ZNF579: variants seen among roughly 807,000 people sequenced by gnomAD.
The protein encoded by ZNF579 is zinc finger protein 579.
A neutral mutation model predicts 5.7 loss-of-function variants in ZNF579; 3 were observed. The ratio of observed to expected loss-of-function variants is 0.53; its 90% CI spans 0.24 to 1.36. The LOEUF (loss-of-function observed/expected upper bound fraction) is 1.36, where lower values mean the gene tolerates loss of function less well. Ranked by LOEUF, ZNF579 falls within the 40% of genes most tolerant of loss-of-function variation. The probability of loss-of-function intolerance (pLI) is 0.16; values close to 1 mark genes in which losing one functional copy is unlikely to be tolerated. For synonymous variants in ZNF579, 454 were observed against 409.0 expected (o/e 1.11, Z -1.33); for missense variants, 679 against 877.6 (o/e 0.77, Z 2.86).
Position 55,579,626 on chromosome 19 carries a change from G to A in ZNF579, c.14C>T (p.Pro5Leu). 1 of 1,474,182 alleles carries A rather than the reference G, an allele frequency of 6.8e-7. No individual in the cohort carries two copies. The highest frequency in any genetic ancestry group is 8.9e-7 in the Non-Finnish European group (1 of 1,121,582). 91.3% of individuals were successfully genotyped at this position (1,474,182 alleles called of 1,614,324 possible). The change falls in exon 2 of 2, where the codon CCT (proline) becomes CTT (leucine). Residue 5 changes from proline (P) to leucine (L), a missense_variant. By Grantham distance (98) the Pro-to-Leu change is moderately conservative. Coordinates refer to ENST00000325421, the MANE Select transcript of ZNF579 (RefSeq NM_152600.3). MDPQ[P>L]PPPAQGSPPH... Reference sequence around the variant, plus strand: ...TGGGCTGCCCTGGGCGGGTGGAGGAGGCTGCGGATCCATGCCTGTGGGGAG... The same window carrying A: ...TGGGCTGCCCTGGGCGGGTGGAGGAAGCTGCGGATCCATGCCTGTGGGGAG...
chr19:55,579,175 G>C lies in ZNF579; in HGVS notation c.465C>G (p.Thr155=), dbSNP rs1286377546. ...CCTCCGTGGCCCCTGCTGCAGCGGT[G>C]GTGGGCGGCTCCGAGCCCTCGTCCT... ...GPQDEGSEPP[T]TAAAGATEEE... is the part of the protein sequence containing the mutation. The change falls in exon 2 of 2, where the codon ACC becomes ACG. Residue 155 remains threonine (T), a synonymous_variant. Coordinates refer to ENST00000325421, the MANE Select transcript of ZNF579 (RefSeq NM_152600.3). 6.6e-7 allele frequency: 1 copy of C among 1,525,608 alleles called. No individual in the cohort carries two copies. 94.5% of individuals were successfully genotyped at this position (1,525,608 alleles called of 1,614,324 possible). A position where few individuals can be genotyped will look rare whatever the true frequency, so the allele number is the denominator to read the frequency against.
chr19:55,579,475 G>A lies in ZNF579; in HGVS notation c.165C>T (p.Phe55=). The A allele has an allele frequency of 7.4e-7, 1 of 1,355,578 alleles. No individual in the cohort carries two copies. 84.0% of individuals were successfully genotyped at this position (1,355,578 alleles called of 1,614,324 possible). Reference sequence around the variant, plus strand: ...GCCGGTGCCGGGAGAGGTAGTAGGGGAAACGGAAGAGGCGGCCGCAGGTGG... The same window carrying A: ...GCCGGTGCCGGGAGAGGTAGTAGGGAAAACGGAAGAGGCGGCCGCAGGTGG... The part of the protein sequence containing the change: ...PCPTCGRLFR[F]PYYLSRHRLS... The change falls in exon 2 of 2, where the codon TTC becomes TTT. Residue 55 remains phenylalanine (F), a synonymous_variant. Transcript: ENST00000325421.
In ZNF579 at chr19:55,579,007, C is replaced by A; in HGVS notation, c.633G>T (p.Ala211=). 1 of 1,531,774 alleles carries A rather than the reference C, an allele frequency of 6.5e-7. No individual in the cohort carries two copies. Among genetic ancestry groups the A allele is most frequent in the South Asian group, 1.2e-5 (1 of 83,224 alleles). 94.9% of individuals were successfully genotyped at this position (1,531,774 alleles called of 1,614,324 possible). The change falls in exon 2 of 2, where the codon GCG becomes GCT. Residue 211 remains alanine (A), a synonymous_variant. Coordinates refer to ENST00000325421, the MANE Select transcript of ZNF579 (RefSeq NM_152600.3). ...TCTCCTCCTGCCGCCCGGCCGCCAG[C>A]GCCAGCTCGGCCCTCAGCTCTGCTG... The part of the protein sequence containing the change: ...AGAAELRAEL[A]LAAGRQEEKQ...
rs763023771 is a variant in ZNF579, at chr19:55,577,980, G to A, written c.1660C>T (p.Leu554=). 1.3e-6 allele frequency: 2 copies of A among 1,598,210 alleles called. No homozygotes were observed. The highest frequency in any genetic ancestry group is 1.1e-5 in the South Asian group (1 of 88,366). The part of the protein sequence containing the change: ...EEEEVDSKAH[L]RGLGGLAS Reference sequence around the variant, plus strand: ...GAGGCCAGGCCCCCCAGCCCGCGCAGGTGAGCCTTGCTGTCTACCTCTTCC... The same window carrying A: ...GAGGCCAGGCCCCCCAGCCCGCGCAAGTGAGCCTTGCTGTCTACCTCTTCC... The change falls in exon 2 of 2, where the codon CTG becomes TTG. Residue 554 remains leucine, a synonymous_variant. Transcript: ENST00000325421.
Position 55,579,362 on chromosome 19 carries a change from C to T in ZNF579, c.278G>A (p.Gly93Asp). 2 of 1,345,912 alleles carry T rather than the reference C, an allele frequency of 1.5e-6. No individual in the cohort carries two copies. Among genetic ancestry groups the T allele is most frequent in the Non-Finnish European group, 1.9e-6 (2 of 1,050,334 alleles). 83.4% of individuals were successfully genotyped at this position (1,345,912 alleles called of 1,614,324 possible). The change falls in exon 2 of 2, where the codon GGC becomes GAC. Residue 93 changes from glycine (G) to aspartate (D), a missense_variant. By Grantham distance (94) the Gly-to-Asp change is moderately conservative. Transcript: ENST00000325421. ...GCGCAGCGGGGGCTGGGGCCCGTGGCCGCGCAGGTGGCGGGAAAGGTGGGC... is the reference window on the plus strand; with the variant it reads ...GCGCAGCGGGGGCTGGGGCCCGTGGTCGCGCAGGTGGCGGGAAAGGTGGGC... ...RPAHLSRHLR[G>D]HGPQPPLRCA...
Position 55,578,492 on chromosome 19 carries a change from C to A in ZNF579, c.1148G>T (p.Arg383Leu). 7.0e-7 allele frequency: 1 copy of A among 1,422,778 alleles called. No homozygotes were observed. Among genetic ancestry groups the A allele is most frequent in the Non-Finnish European group, 9.1e-7 (1 of 1,099,352 alleles). 88.1% of individuals were successfully genotyped at this position (1,422,778 alleles called of 1,614,324 possible). ...TTTGCCGCACTCTGGGCACCAGAAGCGGGGCTCCCCGGCGGGGGGCCGAGC... is the reference window on the plus strand; with the variant it reads ...TTTGCCGCACTCTGGGCACCAGAAGAGGGGCTCCCCGGCGGGGGGCCGAGC... ...APARPPAGEP[R>L]FWCPECGKGF... Residue 383 changes from arginine (R) to leucine (L), a missense_variant, in exon 2 of 2, where the codon CGC becomes CTC. This residue lies in a region of ZNF579 where 114 missense variants were observed against 98.9 expected (regional missense o/e 1.15). Transcript: ENST00000325421.
chr19:55,576,783 G>A lies in ZNF579; in HGVS notation c.*1168C>T, dbSNP rs1023056008. The stretch of plus-strand genomic sequence containing the variant: ...GAGTGAAGAGTGTGACTGAGGAACC[G>A]AACTTTTACATTTATTTCATCTTAA... On this transcript the variant is annotated 3_prime_UTR_variant, in exon 2 of 2. Coordinates refer to ENST00000325421, the MANE Select transcript of ZNF579 (RefSeq NM_152600.3). 2.0e-5 allele frequency: 3 copies of A among 150,964 alleles called. No individual in the cohort carries two copies. The highest frequency in any genetic ancestry group is 2.1e-4 in the South Asian group (1 of 4,788). 9.4% of individuals were successfully genotyped at this position (150,964 alleles called of 1,614,324 possible).
At position 55,579,426 on chromosome 19, in the gene ZNF579, G is replaced by C; in HGVS notation, c.214C>G (p.His72Asp). The change falls in exon 2 of 2, where the codon CAC (histidine) becomes GAC (aspartate). Residue 72 changes from histidine (H) to aspartate (D), a missense_variant. Around this residue, in one of 6 missense-constraint regions of ZNF579, gnomAD observed 134 missense variants for 208.9 expected, o/e 0.64. Transcript: ENST00000325421. ...GCCTTGGGGCACAGCGGGCAGGCGT[G>C]GGGCCGGAGCCCCGAGTGGCTCAGC... Reference protein sequence around the residue: ...HRLSHSGLRPHACPLCPKAFR... With the variant: ...HRLSHSGLRPDACPLCPKAFR... The C allele has an allele frequency of 7.5e-7, 1 of 1,336,870 alleles. No individual in the cohort carries two copies. The highest frequency in any genetic ancestry group is 9.6e-7 in the Non-Finnish European group (1 of 1,041,966). 82.8% of individuals were successfully genotyped at this position (1,336,870 alleles called of 1,614,324 possible). A position where few individuals can be genotyped will look rare whatever the true frequency, so the allele number is the denominator to read the frequency against.
chr19:55,578,875 G>T lies in ZNF579; in HGVS notation c.765C>A (p.Gly255=). Residue 255 remains glycine (G), a synonymous_variant, in exon 2 of 2, where the codon GGC becomes GGA. Transcript: ENST00000325421. ...LKAHPCLRPE[G]EQEGEGGPPP... Reference sequence around the variant, plus strand: ...GGGGCCCCCCTTCCCCTTCCTGTTCGCCCTCGGGGCGCAGACACGGGTGCG... The same window carrying T: ...GGGGCCCCCCTTCCCCTTCCTGTTCTCCCTCGGGGCGCAGACACGGGTGCG... The T allele has an allele frequency of 6.3e-7, 1 of 1,595,340 alleles. No individual in the cohort carries two copies. Among genetic ancestry groups the T allele is most frequent in the Non-Finnish European group, 8.5e-7 (1 of 1,171,160 alleles).
chr19:55,578,249 C>G lies in ZNF579; in HGVS notation c.1391G>C (p.Arg464Pro). 7.2e-7 allele frequency: 1 copy of G among 1,392,244 alleles called. No individual in the cohort carries two copies. Among genetic ancestry groups the G allele is most frequent in the Non-Finnish European group, 9.2e-7 (1 of 1,081,810 alleles). The allele number at this position is 1,392,244 out of a possible 1,614,324, so 86.2% of individuals were successfully genotyped here. ...YSLLRHQRCH[R>P]AELERAAALQ... is the part of the protein sequence containing the mutation. ...CGCGGCGGCCCTCTCCAGCTCTGCG[C>G]GGTGGCAGCGCTGGTGGCGCAGGAG... is the stretch of plus-strand genomic sequence containing the variant. Residue 464 changes from arginine (R) to proline (P), a missense_variant, in exon 2 of 2, where the codon CGC (arginine) becomes CCC (proline). Arg to Pro is a moderately radical substitution (Grantham distance 103). Around this residue, in one of 6 missense-constraint regions of ZNF579, gnomAD observed 68 missense variants for 154.2 expected, o/e 0.44. Coordinates refer to ENST00000325421, the MANE Select transcript of ZNF579 (RefSeq NM_152600.3).
At chr19:55,579,736 G>C in intron 1 of ZNF579, 95 bp from the exon 2 acceptor site, 1 of 1,262,922 alleles carries the variant, frequency 7.9e-7, no homozygotes, top group Non-Finnish European at 1.0e-6. Flanking sequence ...GTCAGAGATG[G>C]AGAGGCAGAG....
Position 55,579,164 on chromosome 19 carries a change from G to C in ZNF579, c.476C>G (p.Ala159Gly). Residue 159 changes from alanine (A) to glycine (G), a missense_variant, in exon 2 of 2, where the codon GCA becomes GGA. Transcript: ENST00000325421. ...GACCGCCTCCTCCTCCGTGGCCCCT[G>C]CTGCAGCGGTGGTGGGCGGCTCCGA... ...EGSEPPTTAA[A>G]GATEEEAVAA... 3 of 1,525,432 alleles carry C rather than the reference G, an allele frequency of 2.0e-6. No homozygotes were observed. Among genetic ancestry groups the C allele is most frequent in the Non-Finnish European group, 1.8e-6 (2 of 1,141,942 alleles). 94.5% of individuals were successfully genotyped at this position (1,525,432 alleles called of 1,614,324 possible).
At chr19:55,580,444 C>T (rs1262287879) in intron 1 of ZNF579, among the ~76,000 whole-genome samples, 1 of 138,102 alleles carries the variant, frequency 7.2e-6, no homozygotes, top group South Asian at 2.4e-4. Context: ...CAGGTCATGA[C>T]GGATTGGGGA....
At position 55,579,187 on chromosome 19, in the gene ZNF579, C is replaced by T. The variant is rs1037462247; in HGVS notation, c.453G>A (p.Ser151=). ...CTGCTGCAGCGGTGGTGGGCGGCTC[C>T]GAGCCCTCGTCCTGCGGGCCCCAGC... ...EPSWGPQDEG[S]EPPTTAAAGA... is the part of the protein sequence containing the mutation. The change falls in exon 2 of 2, where the codon TCG becomes TCA. Residue 151 remains serine (S), a synonymous_variant. Transcript: ENST00000325421. 3.3e-6 allele frequency: 5 copies of T among 1,525,092 alleles called. No individual in the cohort carries two copies. The highest frequency in any genetic ancestry group is 2.4e-5 in the South Asian group (2 of 83,572). 94.5% of individuals were successfully genotyped at this position (1,525,092 alleles called of 1,614,324 possible).
Position 55,579,597 on chromosome 19 carries a change from G to T in ZNF579, c.43C>A (p.His15Asn). 3 of 1,493,790 alleles carry T rather than the reference G, an allele frequency of 2.0e-6. No homozygotes were observed. Among genetic ancestry groups the T allele is most frequent in the South Asian group, 1.2e-5 (1 of 80,434 alleles). 92.5% of individuals were successfully genotyped at this position (1,493,790 alleles called of 1,614,324 possible). ...PPPPAQGSPP[H>N]RGRGRGRGRG... The stretch of plus-strand genomic sequence containing the variant: ...CCACGGCCCCGGCCTCGGCCACGGT[G>T]AGGTGGGCTGCCCTGGGCGGGTGGA... The change falls in exon 2 of 2, where the codon CAC becomes AAC. Residue 15 changes from histidine (H) to asparagine (N), a missense_variant. This residue lies in a region of ZNF579 where 134 missense variants were observed against 208.9 expected (regional missense o/e 0.64). Transcript: ENST00000325421.
At position 55,579,089 on chromosome 19, in the gene ZNF579, G is replaced by C; in HGVS notation, c.551C>G (p.Ala184Gly). Residue 184 changes from alanine to glycine, a missense_variant, in exon 2 of 2, where the codon GCG (alanine) becomes GGG (glycine). Ala to Gly is a moderately conservative substitution (Grantham distance 60). Transcript: ENST00000325421. The part of the protein sequence containing the change: ...WPAGEPSTLA[A>G]PTSAAEPRES... ...CCGGGGCTCCGCGGCGCTGGTGGGC[G>C]CAGCCAGCGTGGAAGGCTCCCCCGC... The C allele has an allele frequency of 6.5e-7, 1 of 1,528,464 alleles. No homozygotes were observed. Among genetic ancestry groups the C allele is most frequent in the Non-Finnish European group, 8.7e-7 (1 of 1,143,934 alleles). 94.7% of individuals were successfully genotyped at this position (1,528,464 alleles called of 1,614,324 possible).
In ZNF579 at chr19:55,580,814, T is replaced by C. The variant is rs1416019902; in HGVS notation, c.-22A>G. ...TCTTACCTCGCCTCCTTGGCTCCTT[T>C]CTTCCTTCCCCACGGCCGGCCAAAC... On this transcript the variant is annotated 5_prime_UTR_variant, in exon 1 of 2. Coordinates refer to ENST00000325421, the MANE Select transcript of ZNF579 (RefSeq NM_152600.3). 1 of 150,090 alleles carries C rather than the reference T, an allele frequency of 6.7e-6. No homozygotes were observed. The highest frequency in any genetic ancestry group is 1.5e-5 in the Non-Finnish European group (1 of 67,596). The allele number at this position is 150,090 out of a possible 1,614,324, so 9.3% of individuals were successfully genotyped here.
Position 55,578,994 on chromosome 19 carries a change from GC to G in ZNF579, c.645del (p.Arg216GlyfsTer189). 1 of 1,532,782 alleles carries G rather than the reference GC, an allele frequency of 6.5e-7. No individual in the cohort carries two copies. Among genetic ancestry groups the G allele is most frequent in the South Asian group, 1.2e-5 (1 of 83,322 alleles). 94.9% of individuals were successfully genotyped at this position (1,532,782 alleles called of 1,614,324 possible). On this transcript the variant is annotated frameshift_variant, in exon 2 of 2. Coordinates refer to ENST00000325421, the MANE Select transcript of ZNF579 (RefSeq NM_152600.3). LOFTEE classifies it low-confidence loss of function (END_TRUNC). ...ELRAELALAA[G>X]RQEEKQVLLQ... is the part of the protein sequence containing the mutation. ...AGCAGGACCTGTTTCTCCTCCTGCC[GC>G]CCGGCCGCCAGCGCCAGCTCGGCCC...
Position 55,580,317 on chromosome 19 carries a change from C to T in ZNF579, c.-3+478G>A, listed in dbSNP as rs77570149. On this transcript the variant is annotated intron_variant, in intron 1 of 1. Coordinates refer to ENST00000325421, the MANE Select transcript of ZNF579 (RefSeq NM_152600.3). ...AGAGTGTGTTCTCAGATGCCAGGGG[C>T]TGGGAGAGGTCGGGGAGTAGGAGGG... is the stretch of plus-strand genomic sequence containing the variant. Among the ~76,000 whole-genome samples, 824 of 151,920 alleles carry T rather than the reference C, an allele frequency of 5.4e-3. 7 individuals carry two copies. The highest frequency in any genetic ancestry group is 0.016 in the African/African-American group (666 of 41,408).
Sources: gnomAD v4.1 joint callset for allele counts (sites outside exome capture counted in the v4.1 genomes callset) on GRCh38, gnomAD v4.1.1 for gene constraint, gnomAD v4.1.1 regional missense constraint, MANE v1.5 for transcripts, NCBI Gene and HGNC (gene_info 2026-07-23, HGNC 2026-07-21) for gene names.